CCNH: variants seen among roughly 807,000 people sequenced by gnomAD.
The protein encoded by CCNH is cyclin H, also known as cyclin-H.
A neutral mutation model predicts 41.9 loss-of-function variants in CCNH; 31 were observed. The observed-to-expected ratio is 0.74, with a 90% confidence interval of 0.56 to 1.00. The LOEUF (loss-of-function observed/expected upper bound fraction) is 1.00. Among genes scored for constraint, CCNH ranks in the 50% least tolerant of loss-of-function variants. The pLI, the probability that CCNH is intolerant of heterozygous loss-of-function variation, is 0.00. For missense variants in CCNH, 362 were observed against 388.4 expected (o/e 0.93, Z 0.57); for synonymous variants, 138 against 136.1 (o/e 1.01, Z -0.10).
intron 9 of CCNH, chr5:87,331,285 A>T: frequency 6.7e-7 from 1 of 1,487,090 alleles, no homozygotes; most frequent in South Asian, 1.1e-5. Context: ...ATGTTTTTCA[A>T]GTGTCCATAG....
At chr5:87,340,753 A>T (rs1165150473) in intron 9 of CCNH, among the ~76,000 whole-genome samples, 1 of 152,154 alleles carries the variant, frequency 6.6e-6, no homozygotes, top group Non-Finnish European at 1.5e-5. Flanking sequence ...TATTTATCTA[A>T]CAAGTAGAAA....
intron 9 of CCNH, among the ~76,000 whole-genome samples, chr5:87,386,404 C>T (rs1233904866): frequency 1.3e-5 from 2 of 151,976 alleles, no homozygotes; most frequent in African/African-American, 2.4e-5. Flanking sequence ...CTATTGCAGT[C>T]TTTATTATAT....
chr5:87,357,415 GATTTTA>G (rs1215295039), intron 9 of CCNH, among the ~76,000 whole-genome samples: 2 of 152,016 alleles, frequency 1.3e-5, no homozygotes, highest in Non-Finnish European at 2.9e-5. Flanking sequence ...TTGAGTTAGT[GATTTTA>G]ATTTTATTTG....
chr5:87,355,583 C>A (rs1212810756), intron 9 of CCNH, among the ~76,000 whole-genome samples: 1 of 152,188 alleles, frequency 6.6e-6, no homozygotes, highest in African/African-American at 2.4e-5. Flanking sequence ...TTGTTGTTTT[C>A]ATGCCAGCTA....
chr5:87,347,273 T>C (rs866441570), intron 9 of CCNH, among the ~76,000 whole-genome samples: 53 of 152,188 alleles, frequency 3.5e-4, no homozygotes, highest in Admixed American at 1.0e-3. Flanking sequence ...TGTGGAATTA[T>C]ATGATTGAGC....
intron 5 of CCNH, among the ~76,000 whole-genome samples, chr5:87,402,333 G>T (rs1580451561): frequency 6.6e-6 from 1 of 152,124 alleles, no homozygotes; most frequent in Non-Finnish European, 1.5e-5. Flanking sequence ...CAAATCAAAG[G>T]TGTTAAACTT....
At position 87,338,533 on chromosome 5, in the gene CCNH, A is replaced by ATATATATAT. The variant is rs1491365794; in HGVS notation, c.*91-19637_*91-19636insATATATATA. ...TATATATATATATATATATATATAT[A>ATATATATAT]AAATTTTTTTTTTTTTTAAGTAGAA... is the stretch of plus-strand genomic sequence containing the variant. On this transcript the variant is annotated intron_variant and NMD_transcript_variant, in intron 9 of 9. Coordinates refer to the CCNH transcript ENST00000645953. Among the ~76,000 whole-genome samples, 345 of 91,112 alleles carry ATATATATAT rather than the reference A, an allele frequency of 3.8e-3. 11 individuals carry two copies. Among genetic ancestry groups the ATATATATAT allele is most frequent in the Middle Eastern group, 6.5e-3 (1 of 154 alleles). 59.8% of individuals were successfully genotyped at this position (91,112 alleles called of 152,430 possible). A position where few individuals can be genotyped will look rare whatever the true frequency, so the allele number is the denominator to read the frequency against.
At chr5:87,356,584 C>G (rs764191575) in intron 9 of CCNH, among the ~76,000 whole-genome samples, 4 of 152,024 alleles carry the variant, frequency 2.6e-5, no homozygotes, top group Non-Finnish European at 5.9e-5. Context: ...GAGTCTTGCT[C>G]TGTTGCCCAG....
chr5:87,363,251 AATTG>A lies in CCNH; in HGVS notation c.*90+29515_*90+29518del, dbSNP rs72396167. ...CATATTACATAAGCTTTGGAATAAA[AATTG>A]ATTGATTCATATTTTTAGAAACACT... On this transcript the variant is annotated intron_variant and NMD_transcript_variant, in intron 9 of 9. Coordinates refer to the CCNH transcript ENST00000645953. The A allele has an allele frequency of 1.7e-3, 1,949 of 1,146,554 alleles. 28 individuals are homozygous for A. The African/African-American group carries it at 0.026, about 15-fold the overall frequency. The allele number at this position is 1,146,554 out of a possible 1,614,324, so 71.0% of individuals were successfully genotyped here.
intron 9 of CCNH, among the ~76,000 whole-genome samples, chr5:87,349,750 T>G (rs1177568935): frequency 1.3e-5 from 2 of 151,946 alleles, no homozygotes; most frequent in African/African-American, 4.8e-5. Flanking sequence ...TACCTGAGAC[T>G]TATTATACAG....
chr5:87,397,176 T>A (rs990617795), intron 7 of CCNH, among the ~76,000 whole-genome samples: 1 of 152,074 alleles, frequency 6.6e-6, no homozygotes, highest in Admixed American at 6.6e-5. Context: ...TTTGTTTTTT[T>A]TTTTGAGACA....
intron 9 of CCNH, among the ~76,000 whole-genome samples, chr5:87,360,336 G>T (rs1421906648): frequency 2.0e-5 from 3 of 152,076 alleles, no homozygotes; most frequent in Non-Finnish European, 1.5e-5. Context: ...ATGTCGGCCA[G>T]GCTGGGCGAA....
chr5:87,412,601 C>T lies in CCNH; in HGVS notation c.117+77G>A, dbSNP rs1400204696. ...AGAGAAACGACGGAGCGAGATTGTCCTGGGAGCCAGAAGAGCTCCCGCAGC... is the reference window on the plus strand; with the variant it reads ...AGAGAAACGACGGAGCGAGATTGTCTTGGGAGCCAGAAGAGCTCCCGCAGC... On this transcript the variant is annotated intron_variant, in intron 1 of 8. Transcript: ENST00000256897. 7 of 1,571,486 alleles carry T rather than the reference C, an allele frequency of 4.5e-6. No homozygotes were observed. The African/African-American group carries it at 5.4e-5, about 12-fold the overall frequency.
chr5:87,390,763 C>T, downstream of CCNH: 1 of 1,553,182 alleles, frequency 6.4e-7, no homozygotes, highest in South Asian at 1.1e-5. Flanking sequence ...GCTGACCGAG[C>T]TTTCATTTAT....
intron 9 of CCNH, among the ~76,000 whole-genome samples, chr5:87,322,385 T>C (rs889736481): frequency 4.6e-5 from 7 of 152,192 alleles, no homozygotes; most frequent in African/African-American, 1.7e-4. Flanking sequence ...GTGCTCCTTA[T>C]GAGAATCTAA....
intron 9 of CCNH, among the ~76,000 whole-genome samples, chr5:87,363,944 T>A (rs1760311080): frequency 6.6e-6 from 1 of 151,920 alleles, no homozygotes; most frequent in African/African-American, 2.4e-5. Context: ...TATTTGAAAT[T>A]AAAAAAAATT....
chr5:87,408,281 A>C, intron 3 of CCNH, 95 bp from the exon 4 acceptor site: 1 of 588,232 alleles, frequency 1.7e-6, no homozygotes, highest in South Asian at 3.1e-5. Context: ...TTATTTCTAA[A>C]AGTATATTCT....
At chr5:87,357,667 T>C (rs1243282693) in intron 9 of CCNH, among the ~76,000 whole-genome samples, 1 of 151,788 alleles carries the variant, frequency 6.6e-6, no homozygotes, top group African/African-American at 2.4e-5. Context: ...ATTGCACCAC[T>C]GCACTCCAGA....
chr5:87,363,209 C>T lies in CCNH; in HGVS notation c.*90+29561G>A, dbSNP rs1392413166. On this transcript the variant is annotated intron_variant and NMD_transcript_variant, in intron 9 of 9. Transcript: ENST00000645953. ...TACAGATTTGTTATAGGCATTTTCT[C>T]ATTATGTAAGAATTGGCATATTACA... The T allele has an allele frequency of 5.1e-6, 4 of 785,930 alleles. No individual in the cohort carries two copies. The Admixed American group carries it at 8.1e-5, about 16-fold the overall frequency. 48.7% of individuals were successfully genotyped at this position (785,930 alleles called of 1,614,324 possible).
Sources: gnomAD v4.1 joint callset for allele counts (sites outside exome capture counted in the v4.1 genomes callset) on GRCh38, gnomAD v4.1.1 for gene constraint, MANE v1.5 for transcripts, NCBI Gene and HGNC (gene_info 2026-07-23, HGNC 2026-07-21) for gene names.